The following CBR4 variants were observed in gnomAD, a reference collection of about 807,000 sequenced individuals.
The protein encoded by CBR4 is 3-oxoacyl-[acyl-carrier-protein] reductase.
In CBR4, 22 loss-of-function variants were observed where a neutral mutation model predicts 21.0. The ratio of observed to expected loss-of-function variants is 1.05; its 90% CI spans 0.75 to 1.50. The LOEUF (loss-of-function observed/expected upper bound fraction) is 1.50. CBR4 is among the 40% of genes most tolerant of loss of function. The pLI, the probability that CBR4 is intolerant of heterozygous loss-of-function variation, is 0.00. For missense variants in CBR4, 302 were observed against 286.3 expected (o/e 1.05, Z -0.40); for synonymous variants, 100 against 104.4 (o/e 0.96, Z 0.26).
intron 2 of CBR4, among the ~76,000 whole-genome samples, chr4:168,909,434 G>T (rs1007767113): frequency 2.0e-5 from 3 of 152,128 alleles, no homozygotes; most frequent in Admixed American, 6.5e-5. Context: ...GTTTAATACA[G>T]AATCACTTTT....
chr4:168,918,327 T>TATATATAA (rs1317668725), intron 2 of CBR4, among the ~76,000 whole-genome samples: 2 of 150,206 alleles, frequency 1.3e-5, no homozygotes, highest in Non-Finnish European at 3.0e-5. Flanking sequence ...AAATATGAGA[T>TATATATAA]ATATATATAT....
chr4:168,934,294 A>C lies in CBR4; in HGVS notation n.170-39529T>G, dbSNP rs561679583. Among the ~76,000 whole-genome samples the C allele has an allele frequency of 1.9e-3, 290 of 149,326 alleles. 4 individuals carry two copies. Among genetic ancestry groups the C allele is most frequent in the African/African-American group, 6.5e-3 (265 of 41,016 alleles). On this transcript the variant is annotated intron_variant and non_coding_transcript_variant, in intron 2 of 3. Coordinates refer to the CBR4 transcript ENST00000509108. ...AAAGCAAAAAAAACAAAAAAAAAAA[A>C]AAAAAAAAAAGCAAGCCAAACCCAA...
At chr4:168,957,056 ATACT>A (rs770623318) in intron 2 of CBR4, among the ~76,000 whole-genome samples, 2 of 152,182 alleles carry the variant, frequency 1.3e-5, no homozygotes, top group Non-Finnish European at 2.9e-5. Flanking sequence ...ATGCCCACAG[ATACT>A]TAAATAATAT....
chr4:168,989,317 C>T lies in CBR4; in HGVS notation c.*833G>A, dbSNP rs181975880. ...AAGTTCATGAAATCTGTGCGGTTCA[C>T]TACTGTACCAGGTATTAAAACCTTA... is the stretch of plus-strand genomic sequence containing the variant. On this transcript the variant is annotated 3_prime_UTR_variant, in exon 5 of 5. Transcript: ENST00000306193. 26 of 985,332 alleles carry T rather than the reference C, an allele frequency of 2.6e-5. No homozygotes were observed. Among genetic ancestry groups the T allele is most frequent in the Middle Eastern group, 5.2e-4 (1 of 1,914 alleles). The allele number at this position is 985,332 out of a possible 1,614,324, so 61.0% of individuals were successfully genotyped here.
intron 2 of CBR4, among the ~76,000 whole-genome samples, chr4:168,905,565 A>G (rs1757554739): frequency 6.6e-6 from 1 of 152,100 alleles, no homozygotes; most frequent in African/African-American, 2.4e-5. Context: ...CAGAATGAAA[A>G]CAGATTATCC....
At chr4:168,926,478 C>A in intron 2 of CBR4, 3 of 823,706 alleles carry the variant, frequency 3.6e-6, no homozygotes, top group South Asian at 2.0e-5. Flanking sequence ...AGAAACATAC[C>A]TTTGACTATA....
At chr4:168,968,948 T>C (rs1764124629) in intron 2 of CBR4, among the ~76,000 whole-genome samples, 1 of 152,148 alleles carries the variant, frequency 6.6e-6, no homozygotes, top group Non-Finnish European at 1.5e-5. Flanking sequence ...ATTCAGGAAG[T>C]GGGAAAATGA....
intron 2 of CBR4, among the ~76,000 whole-genome samples, chr4:168,962,149 T>C (rs12511177): frequency 0.68 from 103,388 of 152,116 alleles, 36,912 homozygotes; most frequent in East Asian, 0.96. Context: ...GAAAACCATT[T>C]TACTATGTAT....
chr4:168,926,133 T>C (rs141524500), intron 2 of CBR4: 1 of 1,180,264 alleles, frequency 8.5e-7, no homozygotes, highest in East Asian at 2.6e-5. Context: ...TATCTAGACA[T>C]TCTGTATTTA....
intron 2 of CBR4, among the ~76,000 whole-genome samples, chr4:168,978,615 C>T (rs1011086139): frequency 4.6e-5 from 7 of 152,174 alleles, no homozygotes; most frequent in Non-Finnish European, 1.0e-4. Flanking sequence ...CCTCCCCTGA[C>T]CCCCTTCCCC....
chr4:169,007,433 T>C (rs1396210492), intron 2 of CBR4, among the ~76,000 whole-genome samples: 1 of 152,182 alleles, frequency 6.6e-6, no homozygotes, highest in African/African-American at 2.4e-5. Flanking sequence ...ATGATTACAA[T>C]GTTAAAATCG....
chr4:168,897,858 C>G (rs1755560744), intron 2 of CBR4: 1 of 151,018 alleles, frequency 6.6e-6, no homozygotes, highest in East Asian at 1.9e-4. Context: ...GCTAGACTGT[C>G]AGTCCTATTT....
chr4:168,898,741 A>G (rs746385080), intron 2 of CBR4: 2 of 1,460,528 alleles, frequency 1.4e-6, no homozygotes, highest in Non-Finnish European at 9.6e-7. Flanking sequence ...AGGCTTTTTA[A>G]GAGTCATTCT....
chr4:168,911,164 C>T lies in CBR4; in HGVS notation n.170-16399G>A, dbSNP rs1758866843. 2.0e-5 allele frequency among the ~76,000 whole-genome samples: 3 copies of T among 152,086 alleles called. No homozygotes were observed. The South Asian group carries it at 6.2e-4, about 31-fold the overall frequency. On this transcript the variant is annotated intron_variant and non_coding_transcript_variant, in intron 2 of 3. Coordinates refer to the CBR4 transcript ENST00000509108. ...ATCCCTATTTGTACAGAAAAAGAAA[C>T]AAAGGCTTGAACAAATTCAGTGATT...
chr4:168,922,079 T>C (rs1560930508), intron 2 of CBR4, among the ~76,000 whole-genome samples: 1 of 132,868 alleles, frequency 7.5e-6, no homozygotes, highest in Non-Finnish European at 1.5e-5. Context: ...ATATAAAGTT[T>C]TATATTTATA....
chr4:168,956,126 G>A (rs1317587426), intron 2 of CBR4, among the ~76,000 whole-genome samples: 2 of 152,118 alleles, frequency 1.3e-5, no homozygotes, highest in African/African-American at 4.8e-5. Flanking sequence ...AAATCATACT[G>A]CTCAGAACCC....
At chr4:168,972,584 T>C (rs896892325) in intron 2 of CBR4, among the ~76,000 whole-genome samples, 3 of 152,340 alleles carry the variant, frequency 2.0e-5, no homozygotes, top group African/African-American at 7.2e-5. Context: ...CTCAGCTTGG[T>C]TGCTGTTGGT....
At chr4:168,925,690 A>C (rs1247093638) in intron 2 of CBR4, among the ~76,000 whole-genome samples, 1 of 152,174 alleles carries the variant, frequency 6.6e-6, no homozygotes, top group Non-Finnish European at 1.5e-5. Context: ...CATAAAAAAA[A>C]CACTAGAAAA....
intron 2 of CBR4, among the ~76,000 whole-genome samples, chr4:168,964,141 C>A (rs1384348039): frequency 6.6e-6 from 1 of 152,176 alleles, no homozygotes; most frequent in African/African-American, 2.4e-5. Context: ...GTGGAAATGG[C>A]ATCTGAGCCA....
Sources: allele counts gnomAD v4.1 joint callset (sites outside exome capture counted in the v4.1 genomes callset), GRCh38; gene constraint gnomAD v4.1.1; transcripts MANE v1.5; gene names NCBI Gene and HGNC (gene_info 2026-07-23, HGNC 2026-07-21).